Variants in SLC1A1 observed in about 807,000 individuals in gnomAD.
The protein encoded by SLC1A1 is solute carrier family 1 member 1.
Under a neutral mutation model 53.3 loss-of-function variants are expected in SLC1A1, and 43 were observed. The observed-to-expected ratio is 0.81, with a 90% CI of 0.63 to 1.04. The LOEUF is 1.04. Among genes scored for constraint, SLC1A1 ranks in the 50% least tolerant of loss-of-function variants. SLC1A1 has a pLI of 0.00. For missense variants in SLC1A1, 748 were observed against 664.9 expected, an observed-to-expected ratio of 1.12 and a Z score of -1.37; for synonymous variants, 307 against 243.2, an observed-to-expected ratio of 1.26 and a Z score of -2.44.
Position 4,557,051 on chromosome 9 carries a change from G to A in SLC1A1, c.233-4398G>A, listed in dbSNP as rs183961915. Among the ~76,000 whole-genome samples the A allele has an allele frequency of 3.2e-3, 485 of 152,228 alleles. 1 individual carries two copies. Among genetic ancestry groups the A allele is most frequent in the Non-Finnish European group, 5.5e-3 (376 of 68,010 alleles). On this transcript the variant is annotated intron_variant, in intron 2 of 11. Coordinates refer to ENST00000262352, the MANE Select transcript of SLC1A1 (RefSeq NM_004170.6). ...CCAAACTAAACCACCATGTATAAGC[G>A]GTTTCTAAGGGGACTACCTGCTGAG...
rs186561322 is a variant in SLC1A1 at position 4,516,706 on chromosome 9, T to C, written c.91+25936T>C. 1.8e-3 allele frequency among the ~76,000 whole-genome samples: 267 copies of C among 152,354 alleles called. 1 individual carries two copies. Among genetic ancestry groups the C allele is most frequent in the African/African-American group, 6.3e-3 (260 of 41,584 alleles). On this transcript the variant is annotated intron_variant, in intron 1 of 11. Coordinates refer to ENST00000262352, the MANE Select transcript of SLC1A1 (RefSeq NM_004170.6). Reference sequence around the variant, plus strand: ...ATCTAGGCTGGCTTTTACACAAACATGTTCAATGGCTATTCATTATCCTTA... The same window carrying C: ...ATCTAGGCTGGCTTTTACACAAACACGTTCAATGGCTATTCATTATCCTTA...
chr9:4,534,717 A>T (rs149556337), intron 1 of SLC1A1, among the ~76,000 whole-genome samples: 72,692 of 150,676 alleles, frequency 0.48, 18,238 homozygotes, highest in Non-Finnish European at 0.53. Flanking sequence ...TGAGGCCAGC[A>T]TCATCCTGCT....
chr9:4,524,200 T>G (rs1816182990), intron 1 of SLC1A1, among the ~76,000 whole-genome samples: 1 of 152,244 alleles, frequency 6.6e-6, no homozygotes, highest in African/African-American at 2.4e-5. Context: ...GTAGCAAGAT[T>G]GTTCCTATAC....
chr9:4,550,398 G>C (rs796158746), intron 2 of SLC1A1, among the ~76,000 whole-genome samples: 91 of 152,230 alleles, frequency 6.0e-4, no homozygotes, highest in African/African-American at 2.1e-3. Context: ...TTTTTGTTGG[G>C]AAAGGGTGGG....
At position 4,583,911 on chromosome 9, in the gene SLC1A1, CAT is replaced by C. The variant is rs1358086099; in HGVS notation, c.1328+742_1328+743del. ...ACACACACACACACACACACACACACATATGGAATACAGCAGAACATCTGGGT... is the reference window on the plus strand; with the variant it reads ...ACACACACACACACACACACACACACATGGAATACAGCAGAACATCTGGGT... On this transcript the variant is annotated intron_variant, in intron 11 of 11. Coordinates refer to ENST00000262352, the MANE Select transcript of SLC1A1 (RefSeq NM_004170.6). This position sits in a 1 kb window ranked among gnomAD's most constrained non-coding sequence, Gnocchi z 4.6. Among the ~76,000 whole-genome samples, 1,465 of 118,078 alleles carry C rather than the reference CAT, an allele frequency of 0.012. 19 individuals are homozygous for C. The highest frequency in any genetic ancestry group is 0.034 in the African/African-American group (1,164 of 34,208). The allele number at this position is 118,078 out of a possible 152,430, so 77.5% of individuals were successfully genotyped here.
In SLC1A1 at chr9:4,576,733, A is replaced by G; in HGVS notation, c.1163A>G (p.Asp388Gly). 6 of 1,614,136 alleles carry G rather than the reference A, an allele frequency of 3.7e-6. No individual in the cohort carries two copies. Among genetic ancestry groups the G allele is most frequent in the Non-Finnish European group, 4.2e-6 (5 of 1,180,018 alleles). ...TTTATTGCACAGTTGAATGACCTGG[A>G]CTTGGGCATTGGGCAGATCATCACC... ...AVFIAQLNDL[D>G]LGIGQIITIS... Residue 388 changes from aspartate (D) to glycine (G), a missense_variant, in exon 10 of 12, where the codon GAC becomes GGC. Coordinates refer to ENST00000262352, the MANE Select transcript of SLC1A1 (RefSeq NM_004170.6).
Position 4,556,239 on chromosome 9 carries a change from C to G in SLC1A1, c.233-5210C>G, listed in dbSNP as rs1464535412. 1.3e-5 allele frequency among the ~76,000 whole-genome samples: 2 copies of G among 152,106 alleles called. No homozygotes were observed. Among genetic ancestry groups the G allele is most frequent in the East Asian group, 3.9e-4 (2 of 5,172 alleles). On this transcript the variant is annotated intron_variant, in intron 2 of 11. Coordinates refer to ENST00000262352, the MANE Select transcript of SLC1A1 (RefSeq NM_004170.6). The surrounding 1 kb of genome is among the most constrained non-coding windows in gnomAD (Gnocchi z 4.1). ...TTCACCATGTTGGCCAGGCTGGTCT[C>G]AAACTCCTGACCTCAGGTGATCCAC...
intron 2 of SLC1A1, among the ~76,000 whole-genome samples, chr9:4,545,251 C>G (rs1000849816): frequency 2.2e-5 from 3 of 134,204 alleles, no homozygotes; most frequent in Non-Finnish European, 4.8e-5. Flanking sequence ...TCTATATTTG[C>G]TTCTGTGGAA....
intron 1 of SLC1A1, among the ~76,000 whole-genome samples, chr9:4,526,006 C>T (rs1816245758): frequency 6.6e-6 from 1 of 152,010 alleles, no homozygotes; most frequent in Admixed American, 6.6e-5. Flanking sequence ...TATGCATATA[C>T]TGAAAAACAA....
At chr9:4,565,978 C>A in intron 4 of SLC1A1, 69 bp from the exon 5 acceptor site, 1 of 1,150,088 alleles carries the variant, frequency 8.7e-7, no homozygotes, top group Non-Finnish European at 1.3e-6. Flanking sequence ...TAATTTCTAC[C>A]AATATATTAG....
chr9:4,564,801 T>C (rs1221064145), intron 4 of SLC1A1, among the ~76,000 whole-genome samples: 2 of 152,130 alleles, frequency 1.3e-5, no homozygotes, highest in Non-Finnish European at 2.9e-5. Context: ...CTCTCTTATC[T>C]AAAGCAACCA....
chr9:4,559,547 TA>T (rs140413083), intron 2 of SLC1A1, among the ~76,000 whole-genome samples: 39,002 of 151,690 alleles, frequency 0.26, 5,414 homozygotes, highest in East Asian at 0.46. Flanking sequence ...CCCAGTCACT[TA>T]AAAAAAATGG....
intron 1 of SLC1A1, among the ~76,000 whole-genome samples, chr9:4,515,279 A>G (rs1001378168): frequency 2.0e-5 from 3 of 152,180 alleles, no homozygotes; most frequent in Non-Finnish European, 4.4e-5. Context: ...AGGCCAACCC[A>G]GCTTCAAGAG....
At chr9:4,524,884 C>G (rs543916184) in intron 1 of SLC1A1, among the ~76,000 whole-genome samples, 3 of 152,198 alleles carry the variant, frequency 2.0e-5, no homozygotes, top group African/African-American at 7.2e-5. Context: ...AGTGAGAACT[C>G]GCTACTGCAA....
At position 4,504,759 on chromosome 9, in the gene SLC1A1, T is replaced by G. The variant is rs915503539; in HGVS notation, c.91+13989T>G. On this transcript the variant is annotated intron_variant, in intron 1 of 11. Transcript: ENST00000262352. ...TTTTTAAAAAGTTGATGTTTTCTTC[T>G]GTGTAAATTTAAATAATTTCTTTAA... Among the ~76,000 whole-genome samples, 7 of 152,212 alleles carry G rather than the reference T, an allele frequency of 4.6e-5. 1 individual carries two copies. Among genetic ancestry groups the G allele is most frequent in the Admixed American group, 3.9e-4 (6 of 15,276 alleles).
At chr9:4,494,118 C>G (rs183902748) in intron 1 of SLC1A1, among the ~76,000 whole-genome samples, 1 of 150,334 alleles carries the variant, frequency 6.7e-6, no homozygotes, top group South Asian at 2.1e-4. Context: ...AACACTTTCA[C>G]GGCTTTCATT....
chr9:4,528,792 C>A (rs1261665296), intron 1 of SLC1A1, among the ~76,000 whole-genome samples: 1 of 120,482 alleles, frequency 8.3e-6, no homozygotes, highest in Non-Finnish European at 1.7e-5. Context: ...CCACTCTTAC[C>A]TTTCTTTGTG....
chr9:4,496,138 C>T, intron 1 of SLC1A1, among the ~76,000 whole-genome samples: 1 of 152,004 alleles, frequency 6.6e-6, no homozygotes, highest in Non-Finnish European at 1.5e-5. Context: ...CTGGACAACC[C>T]CAACATTGGA....
At chr9:4,573,746 C>A (rs139309289) in intron 7 of SLC1A1, among the ~76,000 whole-genome samples, 161 bp from the exon 8 acceptor site, 1 of 152,204 alleles carries the variant, frequency 6.6e-6, no homozygotes, top group East Asian at 1.9e-4. Context: ...TATTGTTCAC[C>A]CAGGACTTGA....
Sources: allele counts gnomAD v4.1 joint callset (sites outside exome capture counted in the v4.1 genomes callset), GRCh38; gene constraint gnomAD v4.1.1; non-coding constraint Gnocchi (gnomAD v3.1); transcripts MANE v1.5; gene names NCBI Gene and HGNC (gene_info 2026-07-23, HGNC 2026-07-21).